TPX2: variants seen among roughly 807,000 people sequenced by gnomAD.
The protein encoded by TPX2 is targeting protein for Xklp2.
In TPX2, 21 loss-of-function variants were observed where a neutral mutation model predicts 93.6. That is an observed-to-expected ratio of 0.22 (90% CI 0.16 to 0.32). The LOEUF (loss-of-function observed/expected upper bound fraction) is 0.32. Ranked by LOEUF, TPX2 falls within the 10% of genes least tolerant of loss-of-function variation. The pLI is 1.00. For synonymous variants in TPX2, 281 were observed against 298.3 expected (o/e 0.94, Z 0.60); for missense variants, 776 against 871.1 (o/e 0.89, Z 1.37).
intron 10 of TPX2, among the ~76,000 whole-genome samples, chr20:31,779,983 A>C (rs1012635642): frequency 1.3e-5 from 2 of 152,218 alleles, no homozygotes; most frequent in African/African-American, 2.4e-5. Flanking sequence ...TAGGGATAGT[A>C]TTCTGGATAA....
At chr20:31,781,616 T>A (rs1166978716) in intron 10 of TPX2, among the ~76,000 whole-genome samples, 1 of 151,810 alleles carries the variant, frequency 6.6e-6, no homozygotes, top group East Asian at 2.0e-4. Context: ...TTTGTGTTAA[T>A]AACAAGCAAA....
At chr20:31,796,413 A>AT (rs1283318230) in intron 15 of TPX2, among the ~76,000 whole-genome samples, 1 of 152,246 alleles carries the variant, frequency 6.6e-6, no homozygotes, top group African/African-American at 2.4e-5. Context: ...AAATAATCAA[A>AT]TATCTGCACA....
At chr20:31,782,076 G>A (rs573082016) in intron 10 of TPX2, among the ~76,000 whole-genome samples, 173 bp from the exon 11 acceptor site, 100 of 152,320 alleles carry the variant, frequency 6.6e-4, no homozygotes, top group Non-Finnish European at 1.2e-3. Context: ...AAGAGGAATA[G>A]GGGAGAAGTA....
Position 31,789,650 on chromosome 20 carries a change from A to G in TPX2, c.1414-3085A>G, listed in dbSNP as rs113348050. ...AAAAAAACTTTCTTTGTTTCTGTAA[A>G]CCCAATTTTCTTTTCATTATTTCTA... On this transcript the variant is annotated intron_variant, in intron 12 of 17. Transcript: ENST00000300403. Among the ~76,000 whole-genome samples the G allele has an allele frequency of 2.0e-3, 299 of 152,240 alleles. 3 individuals are homozygous for G. Among genetic ancestry groups the G allele is most frequent in the Middle Eastern group, 0.014 (4 of 294 alleles).
intron 17 of TPX2, among the ~76,000 whole-genome samples, chr20:31,799,822 C>G (rs1026306337): frequency 3.4e-5 from 5 of 148,162 alleles, no homozygotes; most frequent in African/African-American, 1.3e-4. Context: ...ATTGCTTGAA[C>G]CTGGGAGGCC....
chr20:31,773,825 CTG>C (rs1218859932), intron 7 of TPX2, among the ~76,000 whole-genome samples: 1 of 151,458 alleles, frequency 6.6e-6, no homozygotes, highest in Non-Finnish European at 1.5e-5. Flanking sequence ...ATTAACATAT[CTG>C]TCACCTCAAA....
intron 2 of TPX2, among the ~76,000 whole-genome samples, chr20:31,755,430 A>T (rs899207062): frequency 3.3e-5 from 5 of 152,140 alleles, no homozygotes; most frequent in African/African-American, 1.2e-4. Flanking sequence ...GATTACTGGC[A>T]TCTACCTCCC....
rs1433937981 is a variant in TPX2, at chr20:31,798,409, A to G, written c.1990A>G (p.Thr664Ala). ...AGTTCAGGAACCTTTTCAGCTGGCT[A>G]CTGAGAAGAGAGCCAAAGAGCGGCA... ...SLVQEPFQLA[T>A]EKRAKERQEL... Residue 664 changes from threonine (T) to alanine (A), a missense_variant, in exon 17 of 18, where the codon ACT becomes GCT. Physicochemically the swap from Thr to Ala is moderately conservative, Grantham distance 58 (BLOSUM62 0). Around this residue, in one of 3 missense-constraint regions of TPX2, gnomAD observed 461 missense variants for 551.2 expected, o/e 0.84. Coordinates refer to ENST00000300403, the MANE Select transcript of TPX2 (RefSeq NM_012112.5). 1.2e-6 allele frequency: 2 copies of G among 1,614,072 alleles called. No individual in the cohort carries two copies. The highest frequency in any genetic ancestry group is 1.7e-6 in the Non-Finnish European group (2 of 1,180,034).
chr20:31,743,324 ATACT>A (rs764154649), intron 2 of TPX2, among the ~76,000 whole-genome samples: 7 of 152,292 alleles, frequency 4.6e-5, no homozygotes, highest in South Asian at 2.1e-4. Flanking sequence ...ATTACTTATA[ATACT>A]TAATACAATG....
Position 31,771,541 on chromosome 20 carries a change from T to G in TPX2, c.486-19T>G, listed in dbSNP as rs1262761430. 1.9e-6 allele frequency: 3 copies of G among 1,608,106 alleles called. No individual in the cohort carries two copies. The highest frequency in any genetic ancestry group is 1.7e-5 in the Admixed American group (1 of 58,278). ...CTTCAGGGAATTGAAAACATATTTT[T>G]TGTCCTTTTGAACTCAAGTTCTAAC... On this transcript the variant is annotated intron_variant, in intron 6 of 17. Coordinates refer to ENST00000300403, the MANE Select transcript of TPX2 (RefSeq NM_012112.5).
At chr20:31,796,023 T>C (rs574653174) in intron 15 of TPX2, among the ~76,000 whole-genome samples, 1 of 152,350 alleles carries the variant, frequency 6.6e-6, no homozygotes, top group South Asian at 2.1e-4. Flanking sequence ...CTAAGAAACC[T>C]TAGGACTGTT....
chr20:31,796,400 T>G (rs937533911), intron 15 of TPX2, among the ~76,000 whole-genome samples: 2 of 152,218 alleles, frequency 1.3e-5, no homozygotes, highest in African/African-American at 4.8e-5. Context: ...TTAAAAAGAT[T>G]AAAAATAATC....
chr20:31,739,895 A>G (rs755927133), intron 1 of TPX2, among the ~76,000 whole-genome samples: 22 of 152,214 alleles, frequency 1.4e-4, no homozygotes, highest in African/African-American at 4.8e-4. Flanking sequence ...AAATAAGTAC[A>G]TTTCAAAACT....
chr20:31,777,418 A>G, intron 8 of TPX2, 69 bp from the exon 9 acceptor site: 1 of 1,551,076 alleles, frequency 6.4e-7, no homozygotes. Context: ...AAAGGACTGG[A>G]GTAAAGGGGA....
chr20:31,759,694 G>A (rs557356970), intron 3 of TPX2, among the ~76,000 whole-genome samples: 8 of 152,024 alleles, frequency 5.3e-5, no homozygotes, highest in Non-Finnish European at 8.8e-5. Flanking sequence ...CATCGCTCCC[G>A]GCTGGTTACA....
chr20:31,798,577 G>T, intron 17 of TPX2, 25 bp downstream of exon 17: 1 of 1,574,404 alleles, frequency 6.4e-7, no homozygotes, highest in Non-Finnish European at 8.6e-7. Flanking sequence ...GAGCACTGAC[G>T]AACACAAACA....
chr20:31,797,352 T>TG, intron 15 of TPX2, 52 bp from the exon 16 acceptor site: 1 of 1,516,340 alleles, frequency 6.6e-7, no homozygotes, highest in Non-Finnish European at 9.1e-7. Flanking sequence ...ATTGAGGTAG[T>TG]GGTCATAGAA....
intron 12 of TPX2, among the ~76,000 whole-genome samples, chr20:31,790,726 A>G (rs1213063602): frequency 6.6e-6 from 1 of 152,216 alleles, no homozygotes; most frequent in Non-Finnish European, 1.5e-5. Flanking sequence ...TCATTCAACA[A>G]ACATTTACTG....
At chr20:31,762,541 G>A (rs2061896429) in intron 4 of TPX2, among the ~76,000 whole-genome samples, 1 of 151,906 alleles carries the variant, frequency 6.6e-6, no homozygotes, top group African/African-American at 2.4e-5. Context: ...GTAGAGATGG[G>A]GTTTCGTGAT....
Sources: allele counts gnomAD v4.1 joint callset (sites outside exome capture counted in the v4.1 genomes callset), GRCh38; gene constraint gnomAD v4.1.1; regional missense constraint gnomAD v4.1.1; transcripts MANE v1.5; gene names NCBI Gene and HGNC (gene_info 2026-07-23, HGNC 2026-07-21).